The following MOK variants were observed in gnomAD, a reference collection of about 807,000 sequenced individuals.
The protein encoded by MOK is MAPK/MAK/MRK overlapping kinase.
In MOK, 59 loss-of-function variants were observed where a neutral mutation model predicts 54.2. That is an observed-to-expected ratio of 1.09 (90% CI 0.88 to 1.35). The LOEUF (loss-of-function observed/expected upper bound fraction) is 1.35, where lower values mean the gene tolerates loss of function less well. Ranked by LOEUF, MOK falls within the 40% of genes most tolerant of loss-of-function variation. The probability of loss-of-function intolerance (pLI) is 0.00; values close to 1 mark genes in which losing one functional copy is unlikely to be tolerated. For missense variants in MOK, 517 were observed against 526.2 expected, an observed-to-expected ratio of 0.98 and a Z score of 0.17; for synonymous variants, 210 against 202.7, an observed-to-expected ratio of 1.04 and a Z score of -0.31.
intron 2 of MOK, chr14:102,278,571 G>T (rs575732511): frequency 2.3e-6 from 1 of 429,928 alleles, no homozygotes; most frequent in Non-Finnish European, 4.7e-6. Flanking sequence ...TGGGAAGAAC[G>T]GTGGGAAGAT....
intron 2 of MOK, chr14:102,277,267 G>A (rs1035574952): frequency 6.6e-6 from 1 of 152,022 alleles, no homozygotes; most frequent in Non-Finnish European, 1.5e-5. Flanking sequence ...CCATTAACAG[G>A]AAAATGGATA....
intron 7 of MOK, chr14:102,234,071 G>A (rs2064994235): frequency 3.2e-6 from 1 of 308,462 alleles, no homozygotes. Flanking sequence ...GTAAGCTTGG[G>A]GCTGCTTCCT....
downstream of MOK, chr14:102,226,465 G>A (rs990903792): frequency 1.6e-5 from 11 of 701,772 alleles, no homozygotes; most frequent in African/African-American, 7.0e-5. This position sits in a 1 kb window ranked among gnomAD's most constrained non-coding sequence, Gnocchi z 4.8. Flanking sequence ...GAAATAATCC[G>A]GCCAGCCAGG....
At chr14:102,246,892 A>G (rs1161911170) in intron 7 of MOK, among the ~76,000 whole-genome samples, 1 of 151,698 alleles carries the variant, frequency 6.6e-6, no homozygotes, top group African/African-American at 2.4e-5. Flanking sequence ...TGCAACTTAC[A>G]CCGCACAACT....
At chr14:102,287,820 A>ATTTTTT (rs71116893) in intron 1 of MOK, among the ~76,000 whole-genome samples, 2 of 117,928 alleles carry the variant, frequency 1.7e-5, no homozygotes, top group Non-Finnish European at 3.4e-5. Context: ...GTTCTTTGAG[A>ATTTTTT]TTTTTTTTTT....
At chr14:102,272,998 T>C (rs955482547) in intron 2 of MOK, among the ~76,000 whole-genome samples, 5 of 152,064 alleles carry the variant, frequency 3.3e-5, no homozygotes, top group Non-Finnish European at 7.4e-5. Flanking sequence ...GGTTAAACCC[T>C]GTCTCTACTT....
intron 1 of MOK, among the ~76,000 whole-genome samples, chr14:102,302,461 G>C (rs1047725766): frequency 5.9e-5 from 9 of 151,352 alleles, no homozygotes; most frequent in Non-Finnish European, 8.8e-5. Flanking sequence ...TGTTGCCCAG[G>C]CTGCAGTACA....
chr14:102,281,598 GT>G (rs2069445486), intron 2 of MOK, among the ~76,000 whole-genome samples: 4 of 131,378 alleles, frequency 3.0e-5, no homozygotes, highest in African/African-American at 1.1e-4. Flanking sequence ...AAGGAAGTCT[GT>G]TTTTTTGTGT....
chr14:102,227,405 G>A (rs1301961397), downstream of MOK, among the ~76,000 whole-genome samples: 1 of 149,128 alleles, frequency 6.7e-6, no homozygotes, highest in Non-Finnish European at 1.5e-5. Context: ...CGGCCTTGAC[G>A]TCCGACTCCC....
chr14:102,282,868 C>T (rs1048221074), intron 2 of MOK, among the ~76,000 whole-genome samples: 1 of 152,182 alleles, frequency 6.6e-6, no homozygotes, highest in African/African-American at 2.4e-5. Flanking sequence ...GCCTGGCCAA[C>T]GTGGTGAAAC....
intron 2 of MOK, among the ~76,000 whole-genome samples, chr14:102,267,535 C>T (rs1241420952): frequency 2.6e-5 from 4 of 152,162 alleles, no homozygotes; most frequent in Non-Finnish European, 5.9e-5. Flanking sequence ...CATTGCACTC[C>T]AGCCTGGGCA....
In MOK at chr14:102,238,342, A is replaced by C. The variant is rs187718436; in HGVS notation, c.591-4553T>G. The stretch of plus-strand genomic sequence containing the variant: ...CACAGACTCCAAAGATGTATATCAC[A>C]TTCTTCATTCCCACGCCACCATCTG... On this transcript the variant is annotated intron_variant, in intron 7 of 11. Transcript: ENST00000361847. The surrounding 1 kb of genome is among the most constrained non-coding windows in gnomAD (Gnocchi z 4.8). The C allele has an allele frequency of 6.6e-6, 1 of 152,370 alleles. No individual in the cohort carries two copies. Among genetic ancestry groups the C allele is most frequent in the African/African-American group, 2.4e-5 (1 of 41,582 alleles). 9.4% of individuals were successfully genotyped at this position (152,370 alleles called of 1,614,324 possible).
Position 102,277,610 on chromosome 14 carries a change from T to G in MOK, c.122+5868A>C, listed in dbSNP as rs1205094733. Among the ~76,000 whole-genome samples the G allele has an allele frequency of 2.1e-5, 3 of 144,082 alleles. No homozygotes were observed. The East Asian group carries it at 6.1e-4, about 29-fold the overall frequency. The allele number at this position is 144,082 out of a possible 152,430, so 94.5% of individuals were successfully genotyped here. On this transcript the variant is annotated intron_variant, in intron 2 of 11. Coordinates refer to ENST00000361847, the MANE Select transcript of MOK (RefSeq NM_014226.3). Reference sequence around the variant, plus strand: ...TCCAGGCTGGGCAACAGAGCAAGACTCCGTCTCAAAAAAAAAAAAAAAGAG... The same window carrying G: ...TCCAGGCTGGGCAACAGAGCAAGACGCCGTCTCAAAAAAAAAAAAAAAGAG...
chr14:102,294,603 C>A (rs1036402630), intron 1 of MOK, among the ~76,000 whole-genome samples: 3 of 151,144 alleles, frequency 2.0e-5, no homozygotes. Flanking sequence ...TGACAGACAG[C>A]GAGAGACCTT....
rs537381396 is a variant in MOK, at chr14:102,251,755, C to T, written c.411+1G>A. The T allele has an allele frequency of 1.3e-6, 2 of 1,566,712 alleles. No homozygotes were observed. The highest frequency in any genetic ancestry group is 1.8e-6 in the Non-Finnish European group (2 of 1,139,094). On this transcript the variant is annotated splice_donor_variant, in intron 6 of 11. Coordinates refer to ENST00000361847, the MANE Select transcript of MOK (RefSeq NM_014226.3). LOFTEE classifies it high-confidence loss of function. ...CCCAGCTTTCATGTAAAAGCTCTTA[C>T]CTTTATTAGTATATTTTCTGGTTTT...
intron 4 of MOK, among the ~76,000 whole-genome samples, chr14:102,259,742 A>T (rs532121461): frequency 3.9e-5 from 6 of 152,250 alleles, no homozygotes; most frequent in African/African-American, 1.2e-4. Context: ...CATGTTTCAA[A>T]TGAGGATAAT....
chr14:102,269,680 C>T (rs763139048), intron 2 of MOK, among the ~76,000 whole-genome samples: 1 of 151,954 alleles, frequency 6.6e-6, no homozygotes, highest in Non-Finnish European at 1.5e-5. Context: ...ACCATGTTGG[C>T]CAGGCTGGTT....
At position 102,265,833 on chromosome 14, in the gene MOK, C is replaced by T. The variant is rs750938879; in HGVS notation, c.202G>A (p.Glu68Lys). ...NPHPNILMLH[E>K]VVFDRKSGSL... ...TCCAAATATACTTACAAAACCACTT[C>T]ATGCAACATAAGAATGTTTGGGTGC... Residue 68 changes from glutamate to lysine, a missense_variant, in exon 3 of 12, where the codon GAA (glutamate) becomes AAA (lysine). Physicochemically the swap from Glu to Lys is moderately conservative, Grantham distance 56. Coordinates refer to ENST00000361847, the MANE Select transcript of MOK (RefSeq NM_014226.3). The T allele has an allele frequency of 7.4e-6, 12 of 1,613,440 alleles. No individual in the cohort carries two copies. In the East Asian group the frequency reaches 2.0e-4, roughly 27 times the overall value.
intron 1 of MOK, among the ~76,000 whole-genome samples, chr14:102,287,687 C>T (rs1289483210): frequency 1.3e-5 from 2 of 152,074 alleles, no homozygotes; most frequent in African/African-American, 2.4e-5. Context: ...CCACTTCACA[C>T]TCACTAGAAT....
Sources: gnomAD v4.1 joint callset for allele counts (sites outside exome capture counted in the v4.1 genomes callset) on GRCh38, gnomAD v4.1.1 for gene constraint, Gnocchi (gnomAD v3.1) non-coding constraint, MANE v1.5 for transcripts, NCBI Gene and HGNC (gene_info 2026-07-23, HGNC 2026-07-21) for gene names.